The following NUDT6 variants were observed in gnomAD, a reference collection of about 807,000 sequenced individuals.
NUDT6 encodes the protein nudix hydrolase 6.
NUDT6 carries 24 observed loss-of-function variants against 36.8 expected under a neutral mutation model. That is an observed-to-expected ratio of 0.65 (90% CI 0.47 to 0.92). The LOEUF (loss-of-function observed/expected upper bound fraction) is 0.92. Ranked by LOEUF, NUDT6 falls within the 40% of genes least tolerant of loss-of-function variation. NUDT6 has a pLI of 0.00. For missense variants in NUDT6, 388 were observed against 392.8 expected (o/e 0.99, Z 0.10); for synonymous variants, 163 against 157.0 (o/e 1.04, Z -0.29).
rs576031485 is a variant in NUDT6 at position 122,903,641 on chromosome 4, T to G, written c.499-5963A>C. On this transcript the variant is annotated intron_variant, in intron 3 of 4. Coordinates refer to ENST00000304430, the MANE Select transcript of NUDT6 (RefSeq NM_007083.5). ...TGGGATTCTGCTAACCAGTTTCTGC[T>G]TTGCCAGCTGACTCCCTTTTATGCT... 3.1e-4 allele frequency among the ~76,000 whole-genome samples: 47 copies of G among 152,332 alleles called. 1 individual carries two copies. The South Asian group carries it at 9.8e-3, about 32-fold the overall frequency.
intron 3 of NUDT6, among the ~76,000 whole-genome samples, chr4:122,901,455 T>C (rs1282440759): frequency 6.6e-6 from 1 of 152,180 alleles, no homozygotes; most frequent in Non-Finnish European, 1.5e-5. Flanking sequence ...GTTCTTTGTG[T>C]GTGTGTAGCA....
chr4:122,921,769 G>A (rs973458898), intron 1 of NUDT6: 1 of 151,882 alleles, frequency 6.6e-6, no homozygotes, highest in Non-Finnish European at 1.5e-5. Flanking sequence ...CACCTACTAT[G>A]GACCCACAAA....
chr4:122,917,982 T>C, intron 1 of NUDT6: 1 of 390,152 alleles, frequency 2.6e-6, no homozygotes, highest in Non-Finnish European at 4.7e-6. Flanking sequence ...ACGTAACAGA[T>C]GTTCTGTAGT....
At chr4:122,911,296 T>G (rs748763825) in intron 3 of NUDT6, among the ~76,000 whole-genome samples, 1 of 152,196 alleles carries the variant, frequency 6.6e-6, no homozygotes, top group African/African-American at 2.4e-5. Context: ...CCATATATCA[T>G]CTTCATCATT....
chr4:122,917,813 A>C lies in NUDT6; in HGVS notation c.239-109T>G, dbSNP rs17006313. ...CCAGGAAACCATCTTTAAGCAAAAG[A>C]GGTCCCCAAATGTCTTGTTCACATC... is the stretch of plus-strand genomic sequence containing the variant. On this transcript the variant is annotated intron_variant, in intron 1 of 4. Coordinates refer to ENST00000304430, the MANE Select transcript of NUDT6 (RefSeq NM_007083.5). The C allele has an allele frequency of 3.5e-3, 3,103 of 897,790 alleles. 78 individuals are homozygous for C. In the African/African-American group the frequency reaches 0.046, roughly 13 times the overall value. 55.6% of individuals were successfully genotyped at this position (897,790 alleles called of 1,614,324 possible).
intron 3 of NUDT6, among the ~76,000 whole-genome samples, chr4:122,898,902 A>G (rs966850539): frequency 2.0e-5 from 3 of 152,020 alleles, no homozygotes; most frequent in African/African-American, 7.2e-5. Flanking sequence ...ACTTTTTGAG[A>G]CAGGGTCTCA....
At chr4:122,907,141 C>CT (rs1039205860) in intron 3 of NUDT6, among the ~76,000 whole-genome samples, 60 of 152,024 alleles carry the variant, frequency 3.9e-4, no homozygotes, top group Non-Finnish European at 7.5e-4. Flanking sequence ...TCTTTTCTTT[C>CT]TTTTTTTTGA....
intron 3 of NUDT6, 100 bp from the exon 4 acceptor site, chr4:122,897,778 G>A (rs1056713682): frequency 7.3e-6 from 6 of 826,642 alleles, no homozygotes; most frequent in African/African-American, 1.7e-5. Context: ...AAGTGGTTGA[G>A]AATATATTTT....
chr4:122,897,230 T>C (rs1727388665), intron 4 of NUDT6: 1 of 166,824 alleles, frequency 6.0e-6, no homozygotes, highest in Admixed American at 6.2e-5. Context: ...TAAAGGCTAC[T>C]ATTCATCCTC....
chr4:122,920,468 C>T (rs183933134), intron 1 of NUDT6: 1 of 152,308 alleles, frequency 6.6e-6, no homozygotes, highest in East Asian at 1.9e-4. Flanking sequence ...GTATTTGGTA[C>T]TTAAGTTTAC....
At chr4:122,906,997 A>C (rs1378470971) in intron 3 of NUDT6, among the ~76,000 whole-genome samples, 1 of 152,198 alleles carries the variant, frequency 6.6e-6, no homozygotes, top group Non-Finnish European at 1.5e-5. Context: ...CAGTTCCGGG[A>C]ATTGCCTGCC....
At chr4:122,893,279 T>C in intron 4 of NUDT6, 54 bp from the exon 5 acceptor site, 1 of 1,488,872 alleles carries the variant, frequency 6.7e-7, no homozygotes, top group Non-Finnish European at 9.0e-7. Context: ...TTAGAAACTG[T>C]ATCATCAAAG....
At chr4:122,917,107 G>A (rs1012014550) in intron 2 of NUDT6, among the ~76,000 whole-genome samples, 11 of 152,046 alleles carry the variant, frequency 7.2e-5, no homozygotes, top group Non-Finnish European at 1.2e-4. Context: ...TCACCTCATC[G>A]TGCAGGTGAA....
chr4:122,898,846 C>T (rs1436392430), intron 3 of NUDT6, among the ~76,000 whole-genome samples: 4 of 152,118 alleles, frequency 2.6e-5, no homozygotes, highest in African/African-American at 9.7e-5. Flanking sequence ...ACTATGCAGT[C>T]TTTGTCTTGA....
chr4:122,905,299 GTAT>G (rs1371014786), intron 3 of NUDT6, among the ~76,000 whole-genome samples: 1 of 152,108 alleles, frequency 6.6e-6, no homozygotes, highest in African/African-American at 2.4e-5. Flanking sequence ...ATGCTAAATG[GTAT>G]TATTAATAAA....
chr4:122,907,291 C>T (rs945355169), intron 3 of NUDT6, among the ~76,000 whole-genome samples: 1 of 151,678 alleles, frequency 6.6e-6, no homozygotes, highest in Admixed American at 6.6e-5. Flanking sequence ...CCACCATGCC[C>T]TGCTAATTTT....
chr4:122,897,706 T>C, intron 3 of NUDT6, 28 bp from the exon 4 acceptor site: 2 of 1,489,354 alleles, frequency 1.3e-6, no homozygotes, highest in Non-Finnish European at 1.9e-6. Context: ...AAAATAAAGT[T>C]AACATAACTT....
At chr4:122,916,843 A>C (rs540864944) in intron 2 of NUDT6, among the ~76,000 whole-genome samples, 82 of 152,334 alleles carry the variant, frequency 5.4e-4, no homozygotes, top group Non-Finnish European at 9.3e-4. Context: ...AAGGAAAATA[A>C]GGGTTATTTG....
In NUDT6 at chr4:122,922,411, C is replaced by G. The variant is rs770592662; in HGVS notation, c.162G>C (p.Gly54=). Residue 54 remains glycine (G), a synonymous_variant, in exon 1 of 5, where the codon GGG becomes GGC. Transcript: ENST00000304430. ...CDLQGELDRF[G]GISVRLARLD... ...GCCGCGCCAGGCGCACCGAGATGCC[C>G]CCGAATCTGTCCAGCTCGCCCTGCA... The G allele has an allele frequency of 1.2e-6, 2 of 1,611,220 alleles. No individual in the cohort carries two copies. The highest frequency in any genetic ancestry group is 1.7e-6 in the Non-Finnish European group (2 of 1,179,864).
Sources: allele counts gnomAD v4.1 joint callset (sites outside exome capture counted in the v4.1 genomes callset), GRCh38; gene constraint gnomAD v4.1.1; transcripts MANE v1.5; gene names NCBI Gene and HGNC (gene_info 2026-07-23, HGNC 2026-07-21).